CTBP2: variants seen among roughly 807,000 people sequenced by gnomAD.
CTBP2 encodes C-terminal binding protein 2, also known as C-terminal-binding protein 2.
A neutral mutation model predicts 80.3 loss-of-function variants in CTBP2; 30 were observed. That is an observed-to-expected ratio of 0.37 (90% CI 0.28 to 0.51). The LOEUF is 0.51. Among genes scored for constraint, CTBP2 ranks in the 20% least tolerant of loss-of-function variants. The pLI, the probability that CTBP2 is intolerant of heterozygous loss-of-function variation, is 0.93. For synonymous variants in CTBP2, 594 were observed against 587.4 expected (o/e 1.01, Z -0.16); for missense variants, 1,212 against 1,375.3 (o/e 0.88, Z 1.88).
chr10:125,109,658 C>A (rs949475431), intron 2 of CTBP2, among the ~76,000 whole-genome samples: 1 of 152,240 alleles, frequency 6.6e-6, no homozygotes, highest in African/African-American at 2.4e-5. Context: ...CCCTCTCATA[C>A]ACAACTCAAC....
chr10:125,141,878 T>G (rs1857888665), intron 1 of CTBP2, among the ~76,000 whole-genome samples: 1 of 152,140 alleles, frequency 6.6e-6, no homozygotes, highest in East Asian at 1.9e-4. Context: ...CCAAAGCCAC[T>G]TCCCCCACAG....
intron 7 of CTBP2, 108 bp from the exon 10 acceptor site, chr10:124,992,920 A>G: frequency 1.0e-6 from 1 of 986,074 alleles, no homozygotes; most frequent in South Asian, 1.6e-5. Flanking sequence ...GTAAAAATGT[A>G]GAACATCCAA....
intron 2 of CTBP2, among the ~76,000 whole-genome samples, chr10:125,067,508 T>C (rs1844829228): frequency 6.6e-6 from 1 of 152,208 alleles, no homozygotes; most frequent in African/African-American, 2.4e-5. Context: ...CATGTAACCT[T>C]CTAGACGTTT....
chr10:125,003,171 G>GC (rs1954766907), intron 2 of CTBP2, 67 bp from the exon 5 acceptor site: 2 of 1,603,362 alleles, frequency 1.2e-6, no homozygotes, highest in Non-Finnish European at 1.7e-6. Context: ...ACTTGGCCTG[G>GC]CCCCCTGGCC....
intron 1 of CTBP2, among the ~76,000 whole-genome samples, chr10:125,025,922 G>A (rs1233036717): frequency 2.0e-5 from 3 of 152,224 alleles, no homozygotes; most frequent in Admixed American, 1.3e-4. Context: ...AAGAGAAGCC[G>A]TGTCAACTGG....
At chr10:125,077,207 G>A (rs547348290) in intron 2 of CTBP2, among the ~76,000 whole-genome samples, 56 of 152,276 alleles carry the variant, frequency 3.7e-4, no homozygotes, top group African/African-American at 1.2e-3. Context: ...TATTGTAAGC[G>A]GAAAACAAGC....
intron 2 of CTBP2, among the ~76,000 whole-genome samples, chr10:125,103,092 C>T (rs960047435): frequency 7.9e-5 from 12 of 152,086 alleles, no homozygotes; most frequent in African/African-American, 2.4e-4. Flanking sequence ...AAGAACACGG[C>T]GTGATTATCT....
chr10:125,026,945 G>A lies in CTBP2; in HGVS notation c.815C>T (p.Thr272Ile), dbSNP rs960698495. 2.2e-5 allele frequency: 35 copies of A among 1,614,080 alleles called. No individual in the cohort carries two copies. The highest frequency in any genetic ancestry group is 2.8e-5 in the Non-Finnish European group (33 of 1,180,018). The stretch of plus-strand genomic sequence containing the variant: ...GAAGGTGGACAGGTCAGCTTCGTAA[G>A]TCTCGTAAGCCATCTTGGATGGGAT... Residue 272 changes from threonine (T) to isoleucine (I), a missense_variant, in exon 1 of 9, where the codon ACT becomes ATT. Thr to Ile is a moderately conservative substitution (Grantham distance 89). Transcript: ENST00000309035.
At chr10:125,069,892 C>G (rs968528270) in intron 2 of CTBP2, among the ~76,000 whole-genome samples, 1 of 130,450 alleles carries the variant, frequency 7.7e-6, no homozygotes, top group African/African-American at 2.6e-5. Flanking sequence ...CCCCCTCCCC[C>G]CCCCACACAA....
intron 1 of CTBP2, among the ~76,000 whole-genome samples, chr10:125,016,236 C>T (rs1173326318): frequency 3.4e-5 from 5 of 146,162 alleles, no homozygotes; most frequent in African/African-American, 7.4e-5. Flanking sequence ...GGAGGGCAAA[C>T]GCCCTGGATG....
At chr10:125,013,542 CAGTT>C (rs1213110915) in intron 1 of CTBP2, among the ~76,000 whole-genome samples, 3 of 152,174 alleles carry the variant, frequency 2.0e-5, no homozygotes, top group African/African-American at 7.2e-5. Flanking sequence ...GGATGGTAAA[CAGTT>C]AGCTCCTTAT....
chr10:125,132,420 T>C (rs1235075034), intron 1 of CTBP2, among the ~76,000 whole-genome samples: 3 of 152,198 alleles, frequency 2.0e-5, no homozygotes, highest in South Asian at 2.1e-4. Context: ...CCAACAGCCT[T>C]GTCAGAAACA....
intron 2 of CTBP2, among the ~76,000 whole-genome samples, chr10:125,077,743 C>T (rs923806337): frequency 6.6e-6 from 1 of 152,160 alleles, no homozygotes; most frequent in Non-Finnish European, 1.5e-5. Context: ...CGTGGTGATG[C>T]CCACCCCAGC....
chr10:125,057,691 C>G (rs986997396), intron 2 of CTBP2, among the ~76,000 whole-genome samples: 1 of 152,230 alleles, frequency 6.6e-6, no homozygotes, highest in Non-Finnish European at 1.5e-5. Context: ...TCTGGAAAAA[C>G]AGGAAGTCCT....
intron 1 of CTBP2, chr10:125,159,859 G>GGCTCAGGGAGCAGGAGCCGGGGGC: frequency 6.6e-6 from 1 of 151,392 alleles, no homozygotes; most frequent in East Asian, 2.0e-4. Context: ...GCACCCACCG[G>GGCTCAGGGAGCAGGAGCCGGGGGC]GCTCAGGGAG....
chr10:125,060,503 CAT>C (rs1316471618), intron 2 of CTBP2, among the ~76,000 whole-genome samples: 3 of 132,004 alleles, frequency 2.3e-5, no homozygotes, highest in South Asian at 2.6e-4. Context: ...TGTGTGTGTA[CAT>C]GTGTGTGTCT....
At chr10:125,071,323 T>C (rs1845453171) in intron 2 of CTBP2, among the ~76,000 whole-genome samples, 1 of 152,228 alleles carries the variant, frequency 6.6e-6, no homozygotes, top group Admixed American at 6.5e-5. Flanking sequence ...CAGCCAGGGA[T>C]TCAGGGATGA....
rs1554962460 is a variant in CTBP2, at chr10:125,152,081, C to CG, written c.-206+8237dup. On this transcript the variant is annotated intron_variant, in intron 1 of 10. Coordinates refer to the CTBP2 transcript ENST00000337195. ...CAGGGTGGGGCCGCCAAGTGCCCTG[C>CG]GGGGGGAAGAGGGCACAGCTGGGGC... Among the ~76,000 whole-genome samples the CG allele has an allele frequency of 2.7e-3, 413 of 150,572 alleles. 1 individual carries two copies. Among genetic ancestry groups the CG allele is most frequent in the African/African-American group, 9.4e-3 (388 of 41,134 alleles).
intron 2 of CTBP2, among the ~76,000 whole-genome samples, chr10:125,102,831 G>C (rs1469292542): frequency 6.6e-6 from 1 of 152,170 alleles, no homozygotes; most frequent in Non-Finnish European, 1.5e-5. Flanking sequence ...TTGTCTCGAG[G>C]GACCCAGGCC....
Sources: allele counts gnomAD v4.1 joint callset (sites outside exome capture counted in the v4.1 genomes callset), GRCh38; gene constraint gnomAD v4.1.1; transcripts MANE v1.5; gene names NCBI Gene and HGNC (gene_info 2026-07-23, HGNC 2026-07-21).